ANKRD13D: variants seen among roughly 807,000 people sequenced by gnomAD.
ANKRD13D encodes ankyrin repeat domain-containing protein 13D.
In ANKRD13D, 24 loss-of-function variants were observed where a neutral mutation model predicts 68.8. That is an observed-to-expected ratio of 0.35 (90% CI 0.25 to 0.49). The LOEUF (loss-of-function observed/expected upper bound fraction) is 0.49. Among genes scored for constraint, ANKRD13D ranks in the 20% least tolerant of loss-of-function variants. The pLI, the probability that ANKRD13D is intolerant of heterozygous loss-of-function variation, is 0.99. For synonymous variants in ANKRD13D, 331 were observed against 336.1 expected, an observed-to-expected ratio of 0.98 and a Z score of 0.16; for missense variants, 735 against 832.1, an observed-to-expected ratio of 0.88 and a Z score of 1.44.
rs779590001 is a variant in ANKRD13D at position 67,302,158 on chromosome 11, G to C, written c.1644G>C (p.Arg548Ser). The change falls in exon 15 of 15, where the codon AGG becomes AGC. Residue 548 changes from arginine to serine, a missense_variant. Coordinates refer to ENST00000511455, the MANE Select transcript of ANKRD13D (RefSeq NM_207354.3). ...QESLQLSTEPRGPGSPPRTPP... is the reference protein window; with the variant it reads ...QESLQLSTEPSGPGSPPRTPP... ...GCCTGCAGCTGTCCACAGAGCCCAGGGGCCCAGGATCCCCTCCCAGGACAC... is the reference window on the plus strand; with the variant it reads ...GCCTGCAGCTGTCCACAGAGCCCAGCGGCCCAGGATCCCCTCCCAGGACAC... 1.3e-6 allele frequency: 2 copies of C among 1,596,214 alleles called. No individual in the cohort carries two copies. The highest frequency in any genetic ancestry group is 1.7e-6 in the Non-Finnish European group (2 of 1,172,452).
At chr11:67,295,396 G>A (rs373828270) in intron 6 of ANKRD13D, among the ~76,000 whole-genome samples, 14 of 151,106 alleles carry the variant, frequency 9.3e-5, no homozygotes, top group South Asian at 4.2e-4. Flanking sequence ...CAGCCTGGGC[G>A]ACAGACCAAG....
In ANKRD13D at chr11:67,290,399, A is replaced by G. The variant is rs1308114752; in HGVS notation, c.304A>G (p.Thr102Ala). 1 of 1,594,234 alleles carries G rather than the reference A, an allele frequency of 6.3e-7. No homozygotes were observed. Among genetic ancestry groups the G allele is most frequent in the South Asian group, 1.1e-5 (1 of 87,742 alleles). The change falls in exon 3 of 15, where the codon ACG (threonine) becomes GCG (alanine). Residue 102 changes from threonine (T) to alanine (A), a missense_variant. Physicochemically the swap from Thr to Ala is moderately conservative, Grantham distance 58. Coordinates refer to ENST00000511455, the MANE Select transcript of ANKRD13D (RefSeq NM_207354.3). Reference sequence around the variant, plus strand: ...CCAGTATCGGGACTACCAGAGGGCCACGCAGAGGCTGGCGGGCATTCCGGA... The same window carrying G: ...CCAGTATCGGGACTACCAGAGGGCCGCGCAGAGGCTGGCGGGCATTCCGGA... ...VLQYRDYQRA[T>A]QRLAGIPELL...
In ANKRD13D at chr11:67,299,864, G is replaced by A. The variant is rs751248657; in HGVS notation, c.918G>A (p.Ala306=). The A allele has an allele frequency of 3.2e-6, 5 of 1,542,248 alleles. No homozygotes were observed. Among genetic ancestry groups the A allele is most frequent in the South Asian group, 2.5e-5 (2 of 80,152 alleles). Residue 306 remains alanine, a synonymous_variant, in exon 9 of 15, where the codon GCG becomes GCA. Transcript: ENST00000511455. This position sits in a 1 kb window ranked among gnomAD's most constrained non-coding sequence, Gnocchi z 6.2. The part of the protein sequence containing the change: ...KTPFQSFLGM[A]QQHSSHTGAP... ...CATTCCAGTCCTTCCTGGGGATGGC[G>A]CAGCAGCATTCCTCCCACACCGGGG... is the stretch of plus-strand genomic sequence containing the variant.
At chr11:67,295,807 T>G (rs1860738035) in intron 6 of ANKRD13D, among the ~76,000 whole-genome samples, 1 of 152,228 alleles carries the variant, frequency 6.6e-6, no homozygotes. Context: ...CTTGTCTTGT[T>G]CTTCATCTTA....
chr11:67,290,286 T>G, intron 2 of ANKRD13D, 36 bp from the exon 3 acceptor site: 1 of 1,546,990 alleles, frequency 6.5e-7, no homozygotes, highest in African/African-American at 1.4e-5. Flanking sequence ...CCTGGGGTCA[T>G]CTGGAGGGCT....
chr11:67,296,886 C>T (rs528613340), intron 6 of ANKRD13D, among the ~76,000 whole-genome samples: 66 of 152,168 alleles, frequency 4.3e-4, no homozygotes, highest in African/African-American at 1.4e-3. Flanking sequence ...CCTCCCAAAG[C>T]ACTGACATTA....
Position 67,302,171 on chromosome 11 carries a change from C to A in ANKRD13D, c.1657C>A (p.Pro553Thr). Residue 553 changes from proline (P) to threonine (T), a missense_variant, in exon 15 of 15, where the codon CCT (proline) becomes ACT (threonine). Transcript: ENST00000511455. The stretch of plus-strand genomic sequence containing the variant: ...CACAGAGCCCAGGGGCCCAGGATCC[C>A]CTCCCAGGACACCCCCAGCCCCCGG... ...LSTEPRGPGS[P>T]PRTPPAPGPP... 1.3e-6 allele frequency: 2 copies of A among 1,597,432 alleles called. No homozygotes were observed. The highest frequency in any genetic ancestry group is 2.3e-5 in the East Asian group (1 of 44,222).
chr11:67,289,650 C>T, intron 1 of ANKRD13D, 100 bp downstream of exon 1: 1 of 944,404 alleles, frequency 1.1e-6, no homozygotes. Context: ...CCGCTCAGCT[C>T]CGCAGCCACA....
Position 67,299,577 on chromosome 11 carries a change from G to A in ANKRD13D, c.846G>A (p.Glu282=). The change falls in exon 8 of 15, where the codon GAG becomes GAA. Residue 282 remains glutamate, a synonymous_variant. Transcript: ENST00000511455. The surrounding 1 kb of genome is among the most constrained non-coding windows in gnomAD (Gnocchi z 6.2). ...NVELVTRTRT[E]HLSDQDKSRS... The stretch of plus-strand genomic sequence containing the variant: ...AGCTGGTGACACGCACACGCACGGA[G>A]CACCTCTCTGATCAGGACAAGTCGA... The A allele has an allele frequency of 1.9e-6, 3 of 1,551,138 alleles. No homozygotes were observed. Among genetic ancestry groups the A allele is most frequent in the Non-Finnish European group, 2.6e-6 (3 of 1,146,940 alleles).
At position 67,302,400 on chromosome 11, in the gene ANKRD13D, T is replaced by A; in HGVS notation, c.*68T>A. ...TTTTGTAATTTATTTATTTATAAAC[T>A]CTCTGCTGCTGAGCTTGGGGCCTGG... On this transcript the variant is annotated 3_prime_UTR_variant, in exon 15 of 15. Coordinates refer to ENST00000511455, the MANE Select transcript of ANKRD13D (RefSeq NM_207354.3). The A allele has an allele frequency of 6.9e-7, 1 of 1,439,082 alleles. No individual in the cohort carries two copies. 89.1% of individuals were successfully genotyped at this position (1,439,082 alleles called of 1,614,324 possible). A position where few individuals can be genotyped will look rare whatever the true frequency, so the allele number is the denominator to read the frequency against.
chr11:67,299,256 G>A lies in ANKRD13D; in HGVS notation c.798+132G>A, dbSNP rs1860880118. ...GCATTTGTGGGAACTCAGCGGGCCT[G>A]AGTGCCCAGCCCCTGCGGAGTACAC... On this transcript the variant is annotated intron_variant, in intron 7 of 14. Coordinates refer to ENST00000511455, the MANE Select transcript of ANKRD13D (RefSeq NM_207354.3). The surrounding 1 kb of genome is among the most constrained non-coding windows in gnomAD (Gnocchi z 6.2). 1.8e-6 allele frequency: 2 copies of A among 1,136,848 alleles called. No homozygotes were observed. The highest frequency in any genetic ancestry group is 2.4e-5 in the East Asian group (1 of 41,172). 70.4% of individuals were successfully genotyped at this position (1,136,848 alleles called of 1,614,324 possible). A position where few individuals can be genotyped will look rare whatever the true frequency, so the allele number is the denominator to read the frequency against.
At chr11:67,302,019 C>T in intron 14 of ANKRD13D, 100 bp from the exon 15 acceptor site, 1 of 1,419,982 alleles carries the variant, frequency 7.0e-7, no homozygotes. Flanking sequence ...GCCACCCTGT[C>T]TTTGCCTTTG....
rs1476631894 is a variant in ANKRD13D at position 67,290,406 on chromosome 11, G to A, written c.311G>A (p.Arg104Lys). ...QYRDYQRATQ[R>K]LAGIPELLNK... ...CGGGACTACCAGAGGGCCACGCAGA[G>A]GCTGGCGGGCATTCCGGAACTGCTC... is the stretch of plus-strand genomic sequence containing the variant. The change falls in exon 3 of 15, where the codon AGG (arginine) becomes AAG (lysine). Residue 104 changes from arginine (R) to lysine (K), a missense_variant. Transcript: ENST00000511455. 6.3e-7 allele frequency: 1 copy of A among 1,591,742 alleles called. No homozygotes were observed. The highest frequency in any genetic ancestry group is 8.5e-7 in the Non-Finnish European group (1 of 1,170,626).
chr11:67,290,125 G>A lies in ANKRD13D; in HGVS notation c.138G>A (p.Leu46=). 3 of 1,537,138 alleles carry A rather than the reference G, an allele frequency of 2.0e-6. No individual in the cohort carries two copies. Among genetic ancestry groups the A allele is most frequent in the Non-Finnish European group, 2.6e-6 (3 of 1,146,896 alleles). ...EDPRGRTPLE[L]AVSLGNLESV... Reference sequence around the variant, plus strand: ...CCCGCGGGCGGACCCCACTGGAGCTGGCCGTGTCTCTGGGAAACCTGGAGT... The same window carrying A: ...CCCGCGGGCGGACCCCACTGGAGCTAGCCGTGTCTCTGGGAAACCTGGAGT... The change falls in exon 2 of 15, where the codon CTG becomes CTA. Residue 46 remains leucine, a synonymous_variant. Transcript: ENST00000511455.
intron 6 of ANKRD13D, among the ~76,000 whole-genome samples, chr11:67,293,837 T>A (rs1031388850): frequency 6.6e-6 from 1 of 152,150 alleles, no homozygotes; most frequent in Non-Finnish European, 1.5e-5. Flanking sequence ...TTTAAAAAAT[T>A]GGGTCATCTT....
At chr11:67,298,786 A>G (rs1047746359) in intron 6 of ANKRD13D, 1 of 480,248 alleles carries the variant, frequency 2.1e-6, no homozygotes, top group Admixed American at 3.2e-5. Flanking sequence ...GCACAATTCT[A>G]AAAGACAAGG....
chr11:67,291,351 CAAAAAAA>C (rs369072835), intron 3 of ANKRD13D, 118 bp from the exon 4 acceptor site: 29 of 496,106 alleles, frequency 5.8e-5, no homozygotes, highest in African/African-American at 2.3e-4. Flanking sequence ...GAGCAAGTCT[CAAAAAAA>C]AAAAAAAAAA....
In ANKRD13D at chr11:67,300,204, G is replaced by T. The variant is rs1860925935; in HGVS notation, c.1073+81G>T. 6.3e-7 allele frequency: 1 copy of T among 1,577,546 alleles called. No homozygotes were observed. Among genetic ancestry groups the T allele is most frequent in the African/African-American group, 1.4e-5 (1 of 74,038 alleles). ...CCTCTCTGGGCCTGTCATAGTTAGG[G>T]ACCCACTCCCTCGGCTGGCTTCTCT... On this transcript the variant is annotated intron_variant, in intron 10 of 14. Coordinates refer to ENST00000511455, the MANE Select transcript of ANKRD13D (RefSeq NM_207354.3). This position sits in a 1 kb window ranked among gnomAD's most constrained non-coding sequence, Gnocchi z 4.3.
intron 6 of ANKRD13D, chr11:67,298,056 CTTTTTTTTTTT>C (rs200939455): frequency 7.7e-6 from 1 of 130,000 alleles, no homozygotes; most frequent in African/African-American, 3.8e-5. Flanking sequence ...TTGAGGTTTT[CTTTTTTTTTTT>C]TTTTTTTTTT....
Sources: allele counts gnomAD v4.1 joint callset (sites outside exome capture counted in the v4.1 genomes callset), GRCh38; gene constraint gnomAD v4.1.1; non-coding constraint Gnocchi (gnomAD v3.1); transcripts MANE v1.5; gene names NCBI Gene and HGNC (gene_info 2026-07-23, HGNC 2026-07-21).